Variants in CNTN5 observed in about 807,000 individuals in gnomAD.
The protein encoded by CNTN5 is contactin 5.
In CNTN5, 77 loss-of-function variants were observed where a neutral mutation model predicts 129.1. The ratio of observed to expected loss-of-function variants is 0.60; its 90% CI spans 0.50 to 0.72. The LOEUF is 0.72. Ranked by LOEUF, CNTN5 falls within the 30% of genes least tolerant of loss-of-function variation. The pLI, the probability that CNTN5 is intolerant of heterozygous loss-of-function variation, is 0.00. For missense variants in CNTN5, 1,478 were observed against 1,328.8 expected, an observed-to-expected ratio of 1.11 and a Z score of -1.75; for synonymous variants, 509 against 465.6, an observed-to-expected ratio of 1.09 and a Z score of -1.20.
intron 1 of CNTN5, among the ~76,000 whole-genome samples, chr11:99,165,468 G>A (rs11218600): frequency 0.16 from 24,573 of 152,080 alleles, 2,124 homozygotes; most frequent in East Asian, 0.34. Flanking sequence ...TACACTAGCC[G>A]TCTGTAAATA....
At chr11:99,630,813 T>C (rs182072435) in intron 3 of CNTN5, among the ~76,000 whole-genome samples, 2 of 152,278 alleles carry the variant, frequency 1.3e-5, no homozygotes, top group Admixed American at 1.3e-4. Context: ...TTGTTGCTTT[T>C]ATTGCACCCT....
chr11:99,377,373 T>C (rs1940247695), intron 2 of CNTN5, among the ~76,000 whole-genome samples: 1 of 152,116 alleles, frequency 6.6e-6, no homozygotes, highest in Non-Finnish European at 1.5e-5. Flanking sequence ...GTCTATGAAA[T>C]TGTTTATGTC....
At chr11:99,731,428 G>T (rs1943530779) in intron 3 of CNTN5, among the ~76,000 whole-genome samples, 1 of 152,092 alleles carries the variant, frequency 6.6e-6, no homozygotes, top group Non-Finnish European at 1.5e-5. Context: ...CTTTGTCATG[G>T]AGTTAGAAGT....
intron 4 of CNTN5, among the ~76,000 whole-genome samples, chr11:99,837,295 A>G (rs1947337155): frequency 6.6e-6 from 1 of 152,192 alleles, no homozygotes; most frequent in African/African-American, 2.4e-5. Flanking sequence ...CCAACATCAG[A>G]AACTCTGGAC....
chr11:99,333,367 T>A (rs753883320), intron 2 of CNTN5, among the ~76,000 whole-genome samples: 52 of 152,088 alleles, frequency 3.4e-4, no homozygotes, highest in Non-Finnish European at 5.6e-4. Context: ...AAATTGTAGT[T>A]GCTTATACTT....
At chr11:99,658,888 C>CA (rs10673721) in intron 3 of CNTN5, among the ~76,000 whole-genome samples, 75,175 of 119,140 alleles carry the variant, frequency 0.63, 24,334 homozygotes, top group Non-Finnish European at 0.71. Flanking sequence ...AACTCTGTCT[C>CA]AAAAAAAAAA....
intron 9 of CNTN5, among the ~76,000 whole-genome samples, chr11:100,018,001 G>T (rs376137781): frequency 6.6e-6 from 1 of 151,886 alleles, no homozygotes; most frequent in Non-Finnish European, 1.5e-5. Context: ...GGGGTAAAAT[G>T]GGTATAATAG....
At chr11:99,514,790 C>T (rs1043534992) in intron 2 of CNTN5, among the ~76,000 whole-genome samples, 1 of 152,044 alleles carries the variant, frequency 6.6e-6, no homozygotes, top group South Asian at 2.1e-4. Flanking sequence ...ACTTGTTTTA[C>T]TATGATATTT....
At chr11:99,508,569 A>G (rs1946713814) in intron 2 of CNTN5, among the ~76,000 whole-genome samples, 1 of 152,186 alleles carries the variant, frequency 6.6e-6, no homozygotes, top group Non-Finnish European at 1.5e-5. Context: ...CTCAATGGAT[A>G]ATGAGAGCAA....
At chr11:99,459,774 A>G (rs962605132) in intron 2 of CNTN5, among the ~76,000 whole-genome samples, 3 of 152,060 alleles carry the variant, frequency 2.0e-5, no homozygotes, top group African/African-American at 7.2e-5. Context: ...TACAATGGCA[A>G]TGTGTCTTAT....
rs536865578 is a variant in CNTN5 at position 99,957,857 on chromosome 11, G to A, written c.877+848G>A. ...TTAGTTTATATAGACTTTGTTGTTT[G>A]CGTGTGTGTGTGTGTGTGTATATAT... On this transcript the variant is annotated intron_variant, in intron 8 of 24. Coordinates refer to ENST00000524871, the MANE Select transcript of CNTN5 (RefSeq NM_014361.4). Among the ~76,000 whole-genome samples, 25 of 150,448 alleles carry A rather than the reference G, an allele frequency of 1.7e-4. No homozygotes were observed. In the East Asian group the frequency reaches 4.4e-3, roughly 27 times the overall value.
At chr11:99,469,269 T>C (rs1945076198) in intron 2 of CNTN5, among the ~76,000 whole-genome samples, 1 of 152,116 alleles carries the variant, frequency 6.6e-6, no homozygotes, top group South Asian at 2.1e-4. Context: ...TCCCAATTAA[T>C]TGAGCAATTA....
intron 10 of CNTN5, among the ~76,000 whole-genome samples, chr11:100,065,268 C>G (rs960307285): frequency 2.0e-5 from 3 of 152,074 alleles, no homozygotes; most frequent in Non-Finnish European, 4.4e-5. Context: ...TGATTGTAAG[C>G]TCTTTCAAAA....
At chr11:99,842,813 A>G (rs759854769) in intron 4 of CNTN5, among the ~76,000 whole-genome samples, 9 of 152,184 alleles carry the variant, frequency 5.9e-5, no homozygotes, top group African/African-American at 9.7e-5. Context: ...TTCTCTAGTT[A>G]TTTATTAAAT....
chr11:100,109,238 C>T (rs1945562749), intron 13 of CNTN5, among the ~76,000 whole-genome samples: 1 of 152,110 alleles, frequency 6.6e-6, no homozygotes, highest in Non-Finnish European at 1.5e-5. Context: ...CCAGCCTGGC[C>T]AACATGGCGA....
At chr11:99,446,007 C>T (rs1007357444) in intron 2 of CNTN5, among the ~76,000 whole-genome samples, 22 of 150,816 alleles carry the variant, frequency 1.5e-4, no homozygotes, top group Admixed American at 1.1e-3. Flanking sequence ...TCGCTTGAAC[C>T]TAGGAGGCGG....
chr11:99,065,164 G>A (rs749283358), intron 1 of CNTN5, among the ~76,000 whole-genome samples: 95 of 136,698 alleles, frequency 6.9e-4, no homozygotes, highest in African/African-American at 2.5e-3. Flanking sequence ...GTTAGAGTCT[G>A]TGTTTCCCAT....
intron 3 of CNTN5, among the ~76,000 whole-genome samples, chr11:99,666,712 C>G (rs559399880): frequency 1.1e-4 from 17 of 152,192 alleles, no homozygotes; most frequent in African/African-American, 3.6e-4. Context: ...CTGCATAAAA[C>G]TAAAGATACA....
At chr11:100,295,658 A>G (rs980248525) in intron 18 of CNTN5, among the ~76,000 whole-genome samples, 14 of 151,416 alleles carry the variant, frequency 9.2e-5, no homozygotes, top group Admixed American at 1.3e-4. Context: ...TAAAACTGTA[A>G]TCTAGAGTTT....
Sources: allele counts gnomAD v4.1 joint callset (sites outside exome capture counted in the v4.1 genomes callset), GRCh38; gene constraint gnomAD v4.1.1; transcripts MANE v1.5; gene names NCBI Gene and HGNC (gene_info 2026-07-23, HGNC 2026-07-21).